The following FAM193A variants were observed in gnomAD, a reference collection of about 807,000 sequenced individuals.
FAM193A encodes protein FAM193A.
In FAM193A, 22 loss-of-function variants were observed where a neutral mutation model predicts 126.5. The observed-to-expected ratio is 0.17, with a 90% CI of 0.12 to 0.25. The LOEUF (loss-of-function observed/expected upper bound fraction) is 0.25. Among genes scored for constraint, FAM193A ranks in the 10% least tolerant of loss-of-function variants. The probability of loss-of-function intolerance (pLI) is 1.00; values close to 1 mark genes in which losing one functional copy is unlikely to be tolerated. For missense variants in FAM193A, 1,675 were observed against 1,672.8 expected (o/e 1.00, Z -0.02); for synonymous variants, 761 against 646.8 (o/e 1.18, Z -2.68).
chr4:2,620,030 T>C (rs115133614), intron 2 of FAM193A, among the ~76,000 whole-genome samples: 1,813 of 152,280 alleles, frequency 0.012, 27 homozygotes, highest in African/African-American at 0.041. Flanking sequence ...TCCTCCTTCT[T>C]AGGAGTCATT....
chr4:2,729,796 G>C (rs1721175628), intron 20 of FAM193A, among the ~76,000 whole-genome samples: 1 of 152,114 alleles, frequency 6.6e-6, no homozygotes, highest in South Asian at 2.1e-4. Flanking sequence ...TTTTTTTGTA[G>C]AGATGAGGTT....
intron 20 of FAM193A, among the ~76,000 whole-genome samples, chr4:2,728,749 T>C (rs1721034432): frequency 1.3e-5 from 2 of 152,120 alleles, no homozygotes; most frequent in Admixed American, 1.3e-4. Context: ...TGATAGGGGT[T>C]TTTTGTTGTT....
In FAM193A at chr4:2,693,817, C is replaced by G; in HGVS notation, c.3035C>G (p.Pro1012Arg). Residue 1012 changes from proline to arginine, a missense_variant, in exon 16 of 21, where the codon CCT becomes CGT. Physicochemically the swap from Pro to Arg is moderately radical, Grantham distance 103 (BLOSUM62 -2). Coordinates refer to ENST00000637812, the MANE Select transcript of FAM193A (RefSeq NM_001366318.2). ...GFVDTRKSFC[P>R]APLPPATDGS... ...GTGGACACACGCAAGAGTTTCTGTC[C>G]TGCACCCCTACCCCCGGCCACAGAT... 6.2e-7 allele frequency: 1 copy of G among 1,614,244 alleles called. No individual in the cohort carries two copies. The highest frequency in any genetic ancestry group is 8.5e-7 in the Non-Finnish European group (1 of 1,180,032).
chr4:2,543,000 A>G (rs1037881153), intron 1 of FAM193A, among the ~76,000 whole-genome samples: 3 of 152,144 alleles, frequency 2.0e-5, no homozygotes, highest in Admixed American at 6.6e-5. Context: ...GACTCAAAAC[A>G]GAATTCTTAT....
At chr4:2,568,442 C>T (rs1739096651) in intron 1 of FAM193A, among the ~76,000 whole-genome samples, 1 of 152,120 alleles carries the variant, frequency 6.6e-6, no homozygotes, top group East Asian at 1.9e-4. Flanking sequence ...ATCACCTGAG[C>T]CCAGGAGTTG....
At chr4:2,543,353 C>T (rs1296834209) in intron 1 of FAM193A, among the ~76,000 whole-genome samples, 2 of 151,988 alleles carry the variant, frequency 1.3e-5, no homozygotes, top group East Asian at 3.9e-4. Context: ...TCTCAAAGTG[C>T]TAGGATTACG....
chr4:2,625,198 A>G, intron 2 of FAM193A, 64 bp from the exon 3 acceptor site: 1 of 624,354 alleles, frequency 1.6e-6, no homozygotes, highest in East Asian at 2.8e-5. Context: ...TGAACAGTTA[A>G]TAAAAAATTG....
intron 2 of FAM193A, among the ~76,000 whole-genome samples, chr4:2,621,356 A>C (rs543286832): frequency 1.3e-5 from 2 of 152,196 alleles, no homozygotes; most frequent in African/African-American, 4.8e-5. Context: ...CTCCCTCAGT[A>C]GGTGATCTTT....
In FAM193A at chr4:2,731,764, T is replaced by C. The variant is rs778089111; in HGVS notation, c.4455-11T>C. ...TTCCTTCAGTGACTGTTTGGCTTTT[T>C]GTCTTTGCAGGTTCTGCTTGGATTC... On this transcript the variant is annotated splice_polypyrimidine_tract_variant and intron_variant, in intron 20 of 20. Transcript: ENST00000637812. 1 of 1,610,262 alleles carries C rather than the reference T, an allele frequency of 6.2e-7. No homozygotes were observed. Among genetic ancestry groups the C allele is most frequent in the Non-Finnish European group, 8.5e-7 (1 of 1,176,740 alleles).
At chr4:2,576,823 G>C (rs1739614630) in intron 1 of FAM193A, among the ~76,000 whole-genome samples, 1 of 152,190 alleles carries the variant, frequency 6.6e-6, no homozygotes, top group Non-Finnish European at 1.5e-5. Flanking sequence ...TTTATGCTGT[G>C]GTAATAGGCA....
intron 12 of FAM193A, among the ~76,000 whole-genome samples, chr4:2,668,724 AAG>A (rs958132832): frequency 5.3e-5 from 8 of 152,198 alleles, no homozygotes; most frequent in African/African-American, 1.9e-4. Context: ...GAGCAAATAA[AAG>A]AGAAAAATGT....
intron 1 of FAM193A, among the ~76,000 whole-genome samples, chr4:2,582,842 G>GCA (rs1740028755): frequency 3.9e-5 from 6 of 152,070 alleles, no homozygotes; most frequent in African/African-American, 1.4e-4. Flanking sequence ...GTATTTCACA[G>GCA]GAGGTTTCTT....
At chr4:2,588,782 C>G (rs1196468018) in intron 1 of FAM193A, among the ~76,000 whole-genome samples, 2 of 152,180 alleles carry the variant, frequency 1.3e-5, no homozygotes, top group Non-Finnish European at 2.9e-5. Context: ...TGACTGGTTA[C>G]TGTGATTTTT....
intron 10 of FAM193A, among the ~76,000 whole-genome samples, chr4:2,661,932 C>G (rs574004002): frequency 1.2e-4 from 19 of 152,134 alleles, no homozygotes; most frequent in African/African-American, 4.6e-4. Context: ...GCCTGTAATC[C>G]CAGCACTTTG....
At chr4:2,681,301 A>ATT (rs548401398) in intron 13 of FAM193A, among the ~76,000 whole-genome samples, 1 of 144,784 alleles carries the variant, frequency 6.9e-6, no homozygotes, top group Non-Finnish European at 1.5e-5. Context: ...GGTTTCATTG[A>ATT]TTTTTTTTTT....
chr4:2,671,974 A>T (rs1713850328), intron 12 of FAM193A, 147 bp from the exon 13 acceptor site: 2 of 749,104 alleles, frequency 2.7e-6, no homozygotes, highest in Non-Finnish European at 4.3e-6. Flanking sequence ...TTTTCCTTGC[A>T]TGGAAGGCCC....
At chr4:2,710,162 TTTTTTTTTTTTTTTC>T (rs562959106) in intron 19 of FAM193A, among the ~76,000 whole-genome samples, 7,691 of 36,538 alleles carry the variant, frequency 0.21, 231 homozygotes, top group African/African-American at 0.28. Context: ...TCTTCTTTTG[TTTTTTTTTTTTTTTC>T]TTTTTTTTTT....
At chr4:2,679,348 A>G (rs1714814421) in intron 13 of FAM193A, among the ~76,000 whole-genome samples, 1 of 150,688 alleles carries the variant, frequency 6.6e-6, no homozygotes, top group Non-Finnish European at 1.5e-5. Context: ...GAATGTTCAC[A>G]AGCGATACTC....
rs1160087864 is a variant in FAM193A at position 2,672,352 on chromosome 4, C to T, written c.2311C>T (p.Pro771Ser). ...PLIHPTLYAT[P>S]PFTHSKALPP... is the part of the protein sequence containing the mutation. Reference sequence around the variant, plus strand: ...CATCCACCCCACCTTGTATGCAACGCCCCCCTTCACACACAGTAAGGTAAG... The same window carrying T: ...CATCCACCCCACCTTGTATGCAACGTCCCCCTTCACACACAGTAAGGTAAG... The change falls in exon 13 of 21, where the codon CCC becomes TCC. Residue 771 changes from proline (P) to serine (S), a missense_variant. Physicochemically the swap from Pro to Ser is moderately conservative, Grantham distance 74. Coordinates refer to ENST00000637812, the MANE Select transcript of FAM193A (RefSeq NM_001366318.2). 32 of 1,614,042 alleles carry T rather than the reference C, an allele frequency of 2.0e-5. No individual in the cohort carries two copies. Among genetic ancestry groups the T allele is most frequent in the Admixed American group, 6.7e-5 (4 of 60,002 alleles).
Sources: gnomAD v4.1 joint callset for allele counts (sites outside exome capture counted in the v4.1 genomes callset) on GRCh38, gnomAD v4.1.1 for gene constraint, MANE v1.5 for transcripts, NCBI Gene and HGNC (gene_info 2026-07-23, HGNC 2026-07-21) for gene names.